NPDC1: variants seen among roughly 807,000 people sequenced by gnomAD.
NPDC1 encodes the protein neural proliferation differentiation and control protein 1.
A neutral mutation model predicts 32.5 loss-of-function variants in NPDC1; 18 were observed. The ratio of observed to expected loss-of-function variants is 0.55; its 90% CI spans 0.38 to 0.82. The LOEUF is 0.82. Ranked by LOEUF, NPDC1 falls within the 40% of genes least tolerant of loss-of-function variation. The pLI, the probability that NPDC1 is intolerant of heterozygous loss-of-function variation, is 0.00. For synonymous variants in NPDC1, 210 were observed against 184.7 expected (o/e 1.14, Z -1.11); for missense variants, 468 against 406.6 (o/e 1.15, Z -1.30).
rs970896068 is a variant in NPDC1 at position 137,039,510 on chromosome 9, C to A, written c.*262G>T. 1 of 416,100 alleles carries A rather than the reference C, an allele frequency of 2.4e-6. No homozygotes were observed. Among genetic ancestry groups the A allele is most frequent in the South Asian group, 5.3e-5 (1 of 18,742 alleles). 25.8% of individuals were successfully genotyped at this position (416,100 alleles called of 1,614,324 possible). On this transcript the variant is annotated 3_prime_UTR_variant, in exon 9 of 9. Coordinates refer to ENST00000371601, the MANE Select transcript of NPDC1 (RefSeq NM_015392.4). Reference sequence around the variant, plus strand: ...AATTGGCTTTTGTCTCTAGAATTACCCACCCGTTCCTGCGCTCTACGGTTC... The same window carrying A: ...AATTGGCTTTTGTCTCTAGAATTACACACCCGTTCCTGCGCTCTACGGTTC...
At chr9:137,042,257 TGC>T (rs1832068305) in intron 2 of NPDC1, among the ~76,000 whole-genome samples, 1 of 150,196 alleles carries the variant, frequency 6.7e-6, no homozygotes, top group Non-Finnish European at 1.5e-5. Context: ...TGCAGGCTGC[TGC>T]TTTTTTTTTT....
At position 137,041,058 on chromosome 9, in the gene NPDC1, T is replaced by C; in HGVS notation, c.385+4A>G. ...CCGTGGGGCAGGGGAAGCGGGGGTC[T>C]CACCAGGCTCCGGGAGCCGCTGTCG... On this transcript the variant is annotated splice_donor_region_variant and intron_variant, in intron 3 of 8. Coordinates refer to ENST00000371601, the MANE Select transcript of NPDC1 (RefSeq NM_015392.4). 6.6e-7 allele frequency: 1 copy of C among 1,519,164 alleles called. No homozygotes were observed. The highest frequency in any genetic ancestry group is 8.8e-7 in the Non-Finnish European group (1 of 1,135,122). The allele number at this position is 1,519,164 out of a possible 1,614,324, so 94.1% of individuals were successfully genotyped here. A position where few individuals can be genotyped will look rare whatever the true frequency, so the allele number is the denominator to read the frequency against.
chr9:137,043,444 G>A (rs753237485), intron 1 of NPDC1: 8 of 645,086 alleles, frequency 1.2e-5, no homozygotes, highest in East Asian at 5.5e-5. Flanking sequence ...CAGGAACCCC[G>A]TCCAGATTGG....
In NPDC1 at chr9:137,040,500, A is replaced by T. The variant is rs1427414836; in HGVS notation, c.708+14T>A. 4.4e-6 allele frequency: 7 copies of T among 1,585,786 alleles called. No homozygotes were observed. Among genetic ancestry groups the T allele is most frequent in the Non-Finnish European group, 6.0e-6 (7 of 1,170,532 alleles). On this transcript the variant is annotated intron_variant, in intron 6 of 8. Transcript: ENST00000371601. ...AGTTGGGCGGGAGCCTCAGGGCTGA[A>T]GGGGGCCACACACCGAGATCCGGGG...
intron 4 of NPDC1, 28 bp downstream of exon 4, chr9:137,040,786 C>T: frequency 6.3e-7 from 1 of 1,584,176 alleles, no homozygotes. Context: ...CGCCCTGCTG[C>T]CCCTGCCCAC....
At position 137,040,820 on chromosome 9, in the gene NPDC1, C is replaced by T. The variant is rs746975730; in HGVS notation, c.550G>A (p.Ala184Thr). Residue 184 changes from alanine (A) to threonine (T), a missense_variant, in exon 4 of 9, where the codon GCC becomes ACC. Ala to Thr is a moderately conservative substitution (Grantham distance 58, BLOSUM62 0). Transcript: ENST00000371601. Reference protein sequence around the residue: ...EPRGGQGDGLALVLILAFCVA... With the variant: ...EPRGGQGDGLTLVLILAFCVA... The stretch of plus-strand genomic sequence containing the variant: ...ACCCCCGACCAAGACCTACCAAGGG[C>T]GAGGCCGTCGCCTTGCCCTCCCCGG... 3.4e-5 allele frequency: 54 copies of T among 1,592,864 alleles called. No individual in the cohort carries two copies. The highest frequency in any genetic ancestry group is 8.6e-5 in the Admixed American group (5 of 58,042).
At chr9:137,040,116 G>T (rs1318260647) in intron 7 of NPDC1, 49 bp from the exon 8 acceptor site, 4 of 757,754 alleles carry the variant, frequency 5.3e-6, no homozygotes, top group Non-Finnish European at 9.7e-6. Context: ...CGAGGTGCCA[G>T]TGGCCCAGTC....
At chr9:137,043,441 C>A in intron 1 of NPDC1, 1 of 648,530 alleles carries the variant, frequency 1.5e-6, no homozygotes, top group South Asian at 1.7e-5. Flanking sequence ...AGCCAGGAAC[C>A]CCGTCCAGAT....
In NPDC1 at chr9:137,043,005, G is replaced by A. The variant is rs755411128; in HGVS notation, c.181C>T (p.His61Tyr). 3 of 1,612,852 alleles carry A rather than the reference G, an allele frequency of 1.9e-6. No homozygotes were observed. Among genetic ancestry groups the A allele is most frequent in the Non-Finnish European group, 2.5e-6 (3 of 1,179,948 alleles). ...GGCTGAAGGCAGGGCCCACAGGCAT[G>A]TGCACCAGGAGGACACCTTGCCCGC... Reference protein sequence around the residue: ...KRRARCPPGAHACGPCLQPFQ... With the variant: ...KRRARCPPGAYACGPCLQPFQ... Residue 61 changes from histidine (H) to tyrosine (Y), a missense_variant, in exon 2 of 9, where the codon CAT becomes TAT. Transcript: ENST00000371601.
At chr9:137,042,410 C>T (rs1481697972) in intron 2 of NPDC1, among the ~76,000 whole-genome samples, 1 of 152,014 alleles carries the variant, frequency 6.6e-6, no homozygotes, top group Non-Finnish European at 1.5e-5. Context: ...CCCGCCGCCA[C>T]GCCCGGCTAA....
At chr9:137,042,700 C>T (rs1402412126) in intron 2 of NPDC1, among the ~76,000 whole-genome samples, 4 of 152,096 alleles carry the variant, frequency 2.6e-5, no homozygotes, top group Admixed American at 2.0e-4. Flanking sequence ...GCTGGGACTA[C>T]AGGTGTGTGC....
chr9:137,042,408 C>T (rs1177837055), intron 2 of NPDC1, among the ~76,000 whole-genome samples: 2 of 152,004 alleles, frequency 1.3e-5, no homozygotes, highest in Non-Finnish European at 1.5e-5. Context: ...CGCCCGCCGC[C>T]ACGCCCGGCT....
rs374806251 is a variant in NPDC1 at position 137,042,191 on chromosome 9, A to G, written c.259+736T>C. Among the ~76,000 whole-genome samples the G allele has an allele frequency of 7.0e-4, 106 of 151,430 alleles. 2 individuals carry two copies. Among genetic ancestry groups the G allele is most frequent in the African/African-American group, 2.5e-3 (104 of 41,228 alleles). On this transcript the variant is annotated intron_variant, in intron 2 of 8. Transcript: ENST00000371601. The stretch of plus-strand genomic sequence containing the variant: ...GGATCTCCCAGGCCTTGGACCCAAC[A>G]CCCCACAAGGTCCAGGGGCCCCAAG...
At chr9:137,044,256 C>G (rs1458403850) in intron 1 of NPDC1, among the ~76,000 whole-genome samples, 1 of 152,246 alleles carries the variant, frequency 6.6e-6, no homozygotes, top group East Asian at 1.9e-4. Flanking sequence ...GGAGCCAACG[C>G]CAGGCACCGC....
At chr9:137,043,481 T>C (rs1832087939) in intron 1 of NPDC1, 5 of 621,086 alleles carry the variant, frequency 8.1e-6, no homozygotes, top group Non-Finnish European at 1.2e-5. Flanking sequence ...GGCCCAGGTC[T>C]GTCTCTGGGG....
At chr9:137,043,114 C>A (rs1262096382) in intron 1 of NPDC1, 41 bp from the exon 2 acceptor site, 1 of 1,602,868 alleles carries the variant, frequency 6.2e-7, no homozygotes, top group African/African-American at 1.3e-5. Flanking sequence ...CACGGCCCCG[C>A]AGGGCTCGGC....
rs1189733083 is a variant in NPDC1, at chr9:137,039,781, T to C, written c.969A>G (p.Ala323=). 9.0e-6 allele frequency: 7 copies of C among 773,638 alleles called. No homozygotes were observed. The South Asian group carries it at 9.4e-5, about 10-fold the overall frequency. The allele number at this position is 773,638 out of a possible 1,614,324, so 47.9% of individuals were successfully genotyped here. ...APLPAPSSPP[A]LP ...TCTGTCTGCCTCCAGGTCATGGCAG[T>C]GCAGGCGGTGAGCTGGGGGCCGGCA... Residue 323 remains alanine, a synonymous_variant, in exon 9 of 9, where the codon GCA becomes GCG. Coordinates refer to ENST00000371601, the MANE Select transcript of NPDC1 (RefSeq NM_015392.4).
intron 1 of NPDC1, among the ~76,000 whole-genome samples, chr9:137,045,036 G>A (rs973754827): frequency 1.3e-5 from 2 of 152,248 alleles, no homozygotes; most frequent in Non-Finnish European, 2.9e-5. Context: ...CTCTTCTGCA[G>A]GGCTGCCAGG....
Position 137,046,169 on chromosome 9 carries a change from C to T in NPDC1, c.-180G>A, listed in dbSNP as rs1832127970. On this transcript the variant is annotated 5_prime_UTR_variant, in exon 1 of 9. Coordinates refer to ENST00000371601, the MANE Select transcript of NPDC1 (RefSeq NM_015392.4). ...ACGGGCGGCGGCGCTGACGCTGCAG[C>T]AAGGATCCGGGATGGAGGCGCCGGC... 7.3e-6 allele frequency: 8 copies of T among 1,100,430 alleles called. No homozygotes were observed. Among genetic ancestry groups the T allele is most frequent in the Non-Finnish European group, 8.9e-6 (8 of 903,516 alleles). The allele number at this position is 1,100,430 out of a possible 1,614,324, so 68.2% of individuals were successfully genotyped here.
Sources: allele counts gnomAD v4.1 joint callset (sites outside exome capture counted in the v4.1 genomes callset), GRCh38; gene constraint gnomAD v4.1.1; transcripts MANE v1.5; gene names NCBI Gene and HGNC (gene_info 2026-07-23, HGNC 2026-07-21).